The following DOCK1 variants were observed in gnomAD, a reference collection of about 807,000 sequenced individuals.
DOCK1 encodes dedicator of cytokinesis 1, also known as dedicator of cytokinesis protein 1.
DOCK1 carries 138 observed loss-of-function variants against 262.7 expected under a neutral mutation model. That is an observed-to-expected ratio of 0.53 (90% CI 0.46 to 0.61). The LOEUF is 0.61. Ranked by LOEUF, DOCK1 falls within the 20% of genes least tolerant of loss-of-function variation. DOCK1 has a pLI of 0.00. For missense variants in DOCK1, 1,908 were observed against 2,370.7 expected (o/e 0.80, Z 4.05); for synonymous variants, 866 against 867.4 (o/e 1.00, Z 0.03).
intron 10 of DOCK1, among the ~76,000 whole-genome samples, chr10:127,002,877 C>T (rs577416689): frequency 7.2e-5 from 11 of 152,320 alleles, no homozygotes; most frequent in South Asian, 4.2e-4. Flanking sequence ...CCACTGATAT[C>T]GGGGCTTCTG....
At chr10:127,138,476 G>C (rs2050903878) in intron 27 of DOCK1, among the ~76,000 whole-genome samples, 1 of 152,064 alleles carries the variant, frequency 6.6e-6, no homozygotes, top group Non-Finnish European at 1.5e-5. Context: ...CTATTTCTCT[G>C]ATCTCCCACC....
At chr10:126,909,352 A>G (rs757748584) in intron 1 of DOCK1, among the ~76,000 whole-genome samples, 10 of 152,112 alleles carry the variant, frequency 6.6e-5, no homozygotes, top group Non-Finnish European at 1.2e-4. Flanking sequence ...CAGCCAGCCA[A>G]CACCTTGATT....
chr10:127,197,281 C>T (rs1420263742), intron 27 of DOCK1, among the ~76,000 whole-genome samples: 1 of 152,222 alleles, frequency 6.6e-6, no homozygotes, highest in African/African-American at 2.4e-5. Flanking sequence ...TCAGCAGAAG[C>T]CACAGGGCGC....
At chr10:127,032,653 A>G (rs1342719896) in intron 18 of DOCK1, among the ~76,000 whole-genome samples, 1 of 152,116 alleles carries the variant, frequency 6.6e-6, no homozygotes, top group Non-Finnish European at 1.5e-5. Context: ...TCCTAGGCTC[A>G]GGCGATCCTC....
At chr10:127,121,068 G>A (rs1055510446) in intron 25 of DOCK1, among the ~76,000 whole-genome samples, 1 of 152,108 alleles carries the variant, frequency 6.6e-6, no homozygotes, top group African/African-American at 2.4e-5. Flanking sequence ...AGCCAGCAGG[G>A]GGGATTGCAT....
intron 18 of DOCK1, among the ~76,000 whole-genome samples, chr10:127,033,866 C>CTT (rs1159794222): frequency 1.3e-5 from 2 of 152,232 alleles, no homozygotes. Context: ...CTGGGCTACA[C>CTT]TTTCCCACTG....
intron 1 of DOCK1, among the ~76,000 whole-genome samples, chr10:126,908,804 C>G (rs995642618): frequency 3.9e-5 from 6 of 152,150 alleles, no homozygotes; most frequent in African/African-American, 1.4e-4. Flanking sequence ...GATCTTTTCT[C>G]TCACAGCCCA....
chr10:127,214,079 C>T (rs1046340209), intron 27 of DOCK1, among the ~76,000 whole-genome samples: 2 of 152,176 alleles, frequency 1.3e-5, no homozygotes, highest in Non-Finnish European at 2.9e-5. Context: ...AATCACCTGA[C>T]CTTGTGATCC....
intron 28 of DOCK1, among the ~76,000 whole-genome samples, chr10:127,253,472 G>T (rs1022383590): frequency 6.6e-6 from 1 of 152,096 alleles, no homozygotes; most frequent in Non-Finnish European, 1.5e-5. Flanking sequence ...ATCAGATTCT[G>T]CAAGGAAAAG....
chr10:127,059,123 GTATTC>G (rs1490762901), intron 22 of DOCK1, among the ~76,000 whole-genome samples: 1 of 152,108 alleles, frequency 6.6e-6, no homozygotes, highest in Non-Finnish European at 1.5e-5. Context: ...CTTCTTCCAT[GTATTC>G]TATTCTATTT....
At chr10:127,390,087 G>A (rs1221430665) in intron 38 of DOCK1, among the ~76,000 whole-genome samples, 7 of 151,834 alleles carry the variant, frequency 4.6e-5, no homozygotes, top group South Asian at 2.1e-4. Flanking sequence ...GCCTTCCGCC[G>A]TGAGTATAAG....
intron 29 of DOCK1, among the ~76,000 whole-genome samples, chr10:127,307,962 G>A (rs2061935926): frequency 6.6e-6 from 1 of 152,238 alleles, no homozygotes; most frequent in East Asian, 1.9e-4. Flanking sequence ...TGGCCCCTGT[G>A]GGCTGGTGGC....
chr10:126,985,325 G>C (rs1454374588), intron 4 of DOCK1, among the ~76,000 whole-genome samples: 1 of 152,102 alleles, frequency 6.6e-6, no homozygotes, highest in Non-Finnish European at 1.5e-5. Flanking sequence ...CTTTCCCTCA[G>C]TCTTACCAGC....
chr10:127,259,379 A>C (rs536713155), intron 29 of DOCK1, among the ~76,000 whole-genome samples: 5 of 152,378 alleles, frequency 3.3e-5, no homozygotes, highest in African/African-American at 1.2e-4. Flanking sequence ...TTTCCTCTGA[A>C]GAGCTCTAGA....
At chr10:127,008,607 T>G (rs1320706235) in intron 10 of DOCK1, 125 bp from the exon 11 acceptor site, 9 of 821,190 alleles carry the variant, frequency 1.1e-5, no homozygotes, top group Non-Finnish European at 1.4e-5. Context: ...TAATTTAGAC[T>G]TGACTATGAG....
intron 6 of DOCK1, among the ~76,000 whole-genome samples, chr10:126,994,379 G>A (rs1352544456): frequency 1.2e-4 from 18 of 152,002 alleles, no homozygotes. Flanking sequence ...GGGGGATTTG[G>A]CAGGGTCATA....
chr10:127,067,799 G>A (rs891001333), intron 23 of DOCK1, among the ~76,000 whole-genome samples: 1 of 152,074 alleles, frequency 6.6e-6, no homozygotes, highest in African/African-American at 2.4e-5. Flanking sequence ...AGTTTATTAT[G>A]AAAATATTGT....
chr10:127,245,545 G>C (rs1056264363), intron 27 of DOCK1, among the ~76,000 whole-genome samples: 25 of 152,170 alleles, frequency 1.6e-4, no homozygotes, highest in Non-Finnish European at 1.6e-4. Context: ...CCCAGGACTT[G>C]TTTTATGGAA....
intron 4 of DOCK1, among the ~76,000 whole-genome samples, chr10:126,983,194 TC>T (rs36098633): frequency 6.6e-6 from 1 of 152,190 alleles, no homozygotes; most frequent in South Asian, 2.1e-4. Flanking sequence ...TGCTTTGGGT[TC>T]CCTGTGATTG....
Sources: allele counts gnomAD v4.1 joint callset (sites outside exome capture counted in the v4.1 genomes callset), GRCh38; gene constraint gnomAD v4.1.1; transcripts MANE v1.5; gene names NCBI Gene and HGNC (gene_info 2026-07-23, HGNC 2026-07-21).